Variants in KANSL1L observed in about 807,000 individuals in gnomAD.
The protein encoded by KANSL1L is KAT8 regulatory NSL complex subunit 1-like protein.
A neutral mutation model predicts 108.6 loss-of-function variants in KANSL1L; 25 were observed. The ratio of observed to expected loss-of-function variants is 0.23; its 90% CI spans 0.17 to 0.32. The LOEUF is 0.32. Among genes scored for constraint, KANSL1L ranks in the 10% least tolerant of loss-of-function variants. The pLI is 1.00. For missense variants in KANSL1L, 1,137 were observed against 1,125.7 expected (o/e 1.01, Z -0.14); for synonymous variants, 405 against 395.1 (o/e 1.03, Z -0.30).
At chr2:210,145,221 C>A (rs1228655660) in intron 2 of KANSL1L, among the ~76,000 whole-genome samples, 1 of 152,170 alleles carries the variant, frequency 6.6e-6, no homozygotes, top group Non-Finnish European at 1.5e-5. Context: ...AAAGTTGTGG[C>A]CAGTGGAATC....
intron 10 of KANSL1L, 40 bp from the exon 11 acceptor site, chr2:210,029,009 GTTAC>G (rs759577608): frequency 3.5e-5 from 54 of 1,531,374 alleles, no homozygotes; most frequent in Non-Finnish European, 4.2e-5. Flanking sequence ...GTACTGTCTA[GTTAC>G]TTGTAATGAT....
chr2:210,044,017 T>C lies in KANSL1L; in HGVS notation c.1843A>G (p.Asn615Asp), dbSNP rs770363571. Residue 615 changes from asparagine (N) to aspartate (D), a missense_variant, in exon 7 of 15, where the codon AAT becomes GAT. Around this residue, in one of 3 missense-constraint regions of KANSL1L, gnomAD observed 575 missense variants for 567.1 expected, o/e 1.01. Transcript: ENST00000281772. The surrounding 1 kb of genome is among the most constrained non-coding windows in gnomAD (Gnocchi z 4.2). Reference sequence around the variant, plus strand: ...TCTCTTAATAGGTAAGACTCCGAATTGTGTTCATAGCTACTCCAAGTTGAA... The same window carrying C: ...TCTCTTAATAGGTAAGACTCCGAATCGTGTTCATAGCTACTCCAAGTTGAA... ...SASTWSSYEH[N>D]SESYLLREHV... is the part of the protein sequence containing the mutation. The C allele has an allele frequency of 1.9e-6, 3 of 1,609,446 alleles. No homozygotes were observed. The East Asian group carries it at 6.7e-5, about 36-fold the overall frequency.
At chr2:210,077,715 T>G (rs1014520962) in intron 5 of KANSL1L, among the ~76,000 whole-genome samples, 2 of 152,182 alleles carry the variant, frequency 1.3e-5, no homozygotes, top group Non-Finnish European at 2.9e-5. Flanking sequence ...AATTAAAAGC[T>G]TATTCCAGAG....
At chr2:210,037,248 T>A (rs2094115922) in intron 8 of KANSL1L, among the ~76,000 whole-genome samples, 1 of 152,242 alleles carries the variant, frequency 6.6e-6, no homozygotes, top group South Asian at 2.1e-4. Context: ...ACTCTATTAC[T>A]TTTTCAGATG....
intron 4 of KANSL1L, among the ~76,000 whole-genome samples, chr2:210,103,672 T>C (rs2094817970): frequency 6.6e-6 from 1 of 152,182 alleles, no homozygotes; most frequent in Non-Finnish European, 1.5e-5. Context: ...TGACTTTCCA[T>C]TTACATAATC....
Position 210,104,072 on chromosome 2 carries a change from T to G in KANSL1L, c.1428+32A>C, listed in dbSNP as rs779065667. On this transcript the variant is annotated intron_variant, in intron 4 of 14. Coordinates refer to ENST00000281772, the MANE Select transcript of KANSL1L (RefSeq NM_152519.4). ...TTTACAAAATCAATGAAAAGTCATT[T>G]CATACCACTGATATCCTTACTTTGA... The G allele has an allele frequency of 3.3e-6, 5 of 1,524,146 alleles. 1 individual carries two copies. The South Asian group carries it at 5.6e-5, about 17-fold the overall frequency. 94.4% of individuals were successfully genotyped at this position (1,524,146 alleles called of 1,614,324 possible).
At chr2:210,070,221 G>A (rs1345597660) in intron 6 of KANSL1L, among the ~76,000 whole-genome samples, 8 of 70,682 alleles carry the variant, frequency 1.1e-4, no homozygotes, top group South Asian at 1.1e-3. Flanking sequence ...CTCTTTCTCC[G>A]TTCTTTTTTT....
intron 6 of KANSL1L, among the ~76,000 whole-genome samples, chr2:210,057,390 G>A (rs1362066475): frequency 6.6e-6 from 1 of 152,098 alleles, no homozygotes; most frequent in African/African-American, 2.4e-5. Context: ...GAGAGAAAGT[G>A]AGAGTCTTTC....
At chr2:210,141,014 G>A (rs1030089402) in intron 2 of KANSL1L, among the ~76,000 whole-genome samples, 5 of 151,964 alleles carry the variant, frequency 3.3e-5, no homozygotes, top group Non-Finnish European at 5.9e-5. Flanking sequence ...TTTTGATGGG[G>A]TCTTTACACT....
At chr2:210,143,892 T>C (rs2095247790) in intron 2 of KANSL1L, among the ~76,000 whole-genome samples, 1 of 152,172 alleles carries the variant, frequency 6.6e-6, no homozygotes, top group South Asian at 2.1e-4. Context: ...ATTATTAGAG[T>C]ATTCTGAATT....
intron 4 of KANSL1L, among the ~76,000 whole-genome samples, chr2:210,102,558 A>T (rs533522933): frequency 3.3e-5 from 5 of 152,200 alleles, no homozygotes; most frequent in Admixed American, 1.3e-4. Flanking sequence ...AATTTTTGCA[A>T]TCTACCTATC....
At chr2:210,072,114 A>G (rs1209086713) in intron 6 of KANSL1L, among the ~76,000 whole-genome samples, 2 of 152,216 alleles carry the variant, frequency 1.3e-5, no homozygotes, top group African/African-American at 4.8e-5. Context: ...TTTCCCTTGA[A>G]AAGAATTCTG....
chr2:210,159,904 T>C (rs1345083119), intron 1 of KANSL1L, among the ~76,000 whole-genome samples: 1 of 151,988 alleles, frequency 6.6e-6, no homozygotes, highest in Non-Finnish European at 1.5e-5. Context: ...GGTGTGGCGG[T>C]GGGCACCTGT....
intron 6 of KANSL1L, among the ~76,000 whole-genome samples, chr2:210,072,265 G>C (rs1559533601): frequency 6.6e-6 from 1 of 152,154 alleles, no homozygotes; most frequent in Non-Finnish European, 1.5e-5. Flanking sequence ...AATACTGTAT[G>C]TCTGATTTTG....
chr2:210,069,927 C>T (rs964109570), intron 6 of KANSL1L, among the ~76,000 whole-genome samples: 4 of 146,202 alleles, frequency 2.7e-5, no homozygotes, highest in African/African-American at 7.6e-5. Context: ...TTTCTGGGTT[C>T]AAGCAATTCT....
intron 1 of KANSL1L, among the ~76,000 whole-genome samples, chr2:210,154,920 G>GA (rs1274088952): frequency 3.0e-3 from 414 of 138,794 alleles, no homozygotes; most frequent in African/African-American, 9.6e-3. Context: ...ACAGTCAAAA[G>GA]AAAAAAAAAA....
chr2:210,041,978 G>T (rs753264898), intron 7 of KANSL1L, among the ~76,000 whole-genome samples: 1 of 152,094 alleles, frequency 6.6e-6, no homozygotes, highest in Non-Finnish European at 1.5e-5. Flanking sequence ...CCTTTAAAAT[G>T]CTCCTTAAAC....
intron 6 of KANSL1L, among the ~76,000 whole-genome samples, chr2:210,049,670 T>C (rs909417196): frequency 6.6e-6 from 1 of 152,152 alleles, no homozygotes; most frequent in Non-Finnish European, 1.5e-5. Flanking sequence ...GAAGCTAAAA[T>C]AAGAAACTAG....
chr2:210,060,582 T>C (rs1390634106), intron 6 of KANSL1L, among the ~76,000 whole-genome samples: 1 of 152,204 alleles, frequency 6.6e-6, no homozygotes, highest in Non-Finnish European at 1.5e-5. Context: ...AATTTACTAC[T>C]TCTGCAAGAC....
Sources: allele counts gnomAD v4.1 joint callset (sites outside exome capture counted in the v4.1 genomes callset), GRCh38; gene constraint gnomAD v4.1.1; regional missense constraint gnomAD v4.1.1; non-coding constraint Gnocchi (gnomAD v3.1); transcripts MANE v1.5; gene names NCBI Gene and HGNC (gene_info 2026-07-23, HGNC 2026-07-21).